Variants in PTGR3 observed in about 807,000 individuals in gnomAD.
PTGR3 encodes the protein zinc binding alcohol dehydrogenase domain containing 2.
chr18:75,206,164 A>G, the PTGR3 span, among the ~76,000 whole-genome samples: 2 of 152,358 alleles, frequency 1.3e-5, no homozygotes, highest in South Asian at 4.1e-4. Context: ...AGGACCATCA[A>G]TTATACATTC....
At chr18:75,204,292 C>G in the PTGR3 span, among the ~76,000 whole-genome samples, 1 of 152,216 alleles carries the variant, frequency 6.6e-6, no homozygotes, top group African/African-American at 2.4e-5. Context: ...TTTGCCGCTT[C>G]CTGGGAAGAG....
chr18:75,204,599 G>A, the PTGR3 span, among the ~76,000 whole-genome samples: 1 of 152,204 alleles, frequency 6.6e-6, no homozygotes, highest in African/African-American at 2.4e-5. Context: ...AGTGCCCGCT[G>A]CAGCCCTCAG....
At chr18:75,201,857 G>A in the PTGR3 span, 15 of 1,614,034 alleles carry the variant, frequency 9.3e-6, no homozygotes, top group Admixed American at 8.3e-5. Flanking sequence ...GCTTAAGGAC[G>A]GTACCTACGG....
At chr18:75,201,295 C>T in the PTGR3 span, 1 of 866,652 alleles carries the variant, frequency 1.2e-6, no homozygotes, top group Non-Finnish European at 1.7e-6. Flanking sequence ...TTCATTAACA[C>T]CTTACTTTTG....
chr18:75,195,608 T>C, the PTGR3 span: 1 of 152,148 alleles, frequency 6.6e-6, no homozygotes, highest in Non-Finnish European at 1.5e-5. Context: ...AAATCCCACA[T>C]TTAACAGTTT....
chr18:75,202,332 C>A, the PTGR3 span: 5 of 1,602,292 alleles, frequency 3.1e-6, no homozygotes, highest in East Asian at 2.2e-5. Flanking sequence ...TGCGTTAACA[C>A]CAACAAATCT....
At chr18:75,201,904 G>T in the PTGR3 span, 2 of 1,614,176 alleles carry the variant, frequency 1.2e-6, no homozygotes, top group Non-Finnish European at 1.7e-6. Context: ...TCACAGCCAA[G>T]AGATTTCAGA....
the PTGR3 span, chr18:75,205,319 A>G: frequency 4.1e-6 from 4 of 985,468 alleles, no homozygotes; most frequent in Admixed American, 1.8e-4. Context: ...AGCCACAGAA[A>G]GACAAGAAAG....
At chr18:75,205,865 G>A in the PTGR3 span, among the ~76,000 whole-genome samples, 925 of 152,178 alleles carry the variant, frequency 6.1e-3, 5 homozygotes, top group Non-Finnish European at 0.01. Context: ...TTCCCCTTCC[G>A]TAAGCAACAA....
the PTGR3 span, chr18:75,202,010 T>G: frequency 1.9e-6 from 3 of 1,614,072 alleles, no homozygotes; most frequent in Admixed American, 1.7e-5. Flanking sequence ...CCCCAGCTGC[T>G]GCTGTCACCA....
At chr18:75,208,743 C>T in the PTGR3 span, 1 of 1,094,016 alleles carries the variant, frequency 9.1e-7, no homozygotes, top group African/African-American at 1.7e-5. Flanking sequence ...CCCGAGCGCG[C>T]GCCGGAGTGT....
the PTGR3 span, among the ~76,000 whole-genome samples, chr18:75,207,328 AG>A: frequency 6.6e-6 from 1 of 152,348 alleles, no homozygotes; most frequent in South Asian, 2.1e-4. Context: ...AAGGAGAAAA[AG>A]GGAAAAACCC....
At chr18:75,198,395 T>C in the PTGR3 span, 1 of 152,206 alleles carries the variant, frequency 6.6e-6, no homozygotes, top group Non-Finnish European at 1.5e-5. Context: ...AATGTAATAC[T>C]AATGACCATT....
the PTGR3 span, among the ~76,000 whole-genome samples, chr18:75,202,997 T>C: frequency 6.6e-6 from 1 of 152,230 alleles, no homozygotes; most frequent in South Asian, 2.1e-4. Context: ...CTACATCCAG[T>C]GTGAAAATAC....
At chr18:75,197,374 A>T in the PTGR3 span, 1 of 152,210 alleles carries the variant, frequency 6.6e-6, no homozygotes, top group African/African-American at 2.4e-5. Flanking sequence ...AAGACATCTC[A>T]TGTACCCCAT....
the PTGR3 span, among the ~76,000 whole-genome samples, chr18:75,203,399 G>T: frequency 2.0e-5 from 3 of 152,192 alleles, no homozygotes; most frequent in Non-Finnish European, 2.9e-5. Context: ...CGTTAAGCAG[G>T]TCATTTAAAA....
the PTGR3 span, among the ~76,000 whole-genome samples, chr18:75,203,315 T>A: frequency 6.6e-6 from 1 of 152,156 alleles, no homozygotes; most frequent in Non-Finnish European, 1.5e-5. Context: ...AGACACATAA[T>A]GGAAGACCCT....
chr18:75,202,035 TC>T, the PTGR3 span: 7 of 1,614,144 alleles, frequency 4.3e-6, no homozygotes, highest in South Asian at 5.5e-5. Context: ...TTTTTTCCCT[TC>T]CGACAGTCCT....
the PTGR3 span, chr18:75,208,842 G>C: frequency 6.7e-7 from 1 of 1,490,394 alleles, no homozygotes; most frequent in Non-Finnish European, 8.9e-7. Context: ...GGGGGGCGCC[G>C]GGCTCACCGG....
Sources: allele counts gnomAD v4.1 joint callset (sites outside exome capture counted in the v4.1 genomes callset), GRCh38; gene constraint gnomAD v4.1.1; transcripts MANE v1.5; gene names NCBI Gene and HGNC (gene_info 2026-07-23, HGNC 2026-07-21).